HPGDS: variants seen among roughly 807,000 people sequenced by gnomAD.
HPGDS encodes the protein hematopoietic prostaglandin D synthase, also known as GST class-sigma.
A neutral mutation model predicts 23.1 loss-of-function variants in HPGDS; 26 were observed. The ratio of observed to expected loss-of-function variants is 1.13; its 90% CI spans 0.83 to 1.56. HPGDS has a LOEUF of 1.56. HPGDS is among the 40% of genes most tolerant of loss of function. The pLI is 0.00. For missense variants in HPGDS, 268 were observed against 236.4 expected, an observed-to-expected ratio of 1.13 and a Z score of -0.88; for synonymous variants, 95 against 77.9, an observed-to-expected ratio of 1.22 and a Z score of -1.16.
chr4:94,340,305 CTTTCTCTT>C (rs1721120523), intron 1 of HPGDS, among the ~76,000 whole-genome samples: 1 of 26,200 alleles, frequency 3.8e-5, no homozygotes, highest in African/African-American at 1.5e-4. Context: ...TTCTTTCTTT[CTTTCTCTT>C]TTTTTTTTTT....
intron 2 of HPGDS, among the ~76,000 whole-genome samples, chr4:94,324,992 TA>T (rs1446546210): frequency 4.6e-5 from 7 of 152,360 alleles, no homozygotes; most frequent in Admixed American, 4.6e-4. Context: ...TTCTGTTTGT[TA>T]GTTTTCCTTC....
intron 2 of HPGDS, among the ~76,000 whole-genome samples, chr4:94,321,852 G>A (rs1756516074): frequency 6.6e-6 from 1 of 152,200 alleles, no homozygotes; most frequent in African/African-American, 2.4e-5. Flanking sequence ...AGTTTTCAAA[G>A]GGAATGCTTC....
chr4:94,324,757 A>T (rs940132464), intron 2 of HPGDS, among the ~76,000 whole-genome samples: 2 of 152,144 alleles, frequency 1.3e-5, no homozygotes, highest in African/African-American at 2.4e-5. Context: ...AAGCCTACTT[A>T]TGTCAACTCG....
At chr4:94,333,888 C>T (rs953686788) in intron 2 of HPGDS, among the ~76,000 whole-genome samples, 6 of 152,052 alleles carry the variant, frequency 3.9e-5, no homozygotes, top group African/African-American at 9.7e-5. Context: ...ATTCCAATAT[C>T]GGAAGAAACA....
intron 4 of HPGDS, among the ~76,000 whole-genome samples, chr4:94,307,832 C>G (rs1046727298): frequency 4.6e-5 from 7 of 151,950 alleles, no homozygotes; most frequent in African/African-American, 1.7e-4. Flanking sequence ...AATATAAAAG[C>G]ATACTACAGT....
intron 3 of HPGDS, among the ~76,000 whole-genome samples, chr4:94,311,800 T>C (rs1756278721): frequency 6.6e-6 from 1 of 151,346 alleles, no homozygotes; most frequent in Admixed American, 6.6e-5. Flanking sequence ...CTATAAATTA[T>C]TGCCTCAATT....
chr4:94,306,764 A>G (rs1280420533), intron 4 of HPGDS, among the ~76,000 whole-genome samples: 1 of 152,122 alleles, frequency 6.6e-6, no homozygotes, highest in Non-Finnish European at 1.5e-5. Flanking sequence ...TGCTTTCTAA[A>G]AGTAATGCAG....
chr4:94,334,157 G>A (rs969949497), intron 2 of HPGDS: 8 of 172,042 alleles, frequency 4.7e-5, no homozygotes, highest in African/African-American at 1.7e-4. Flanking sequence ...TGCTAGGGTC[G>A]TGAAACTGGA....
intron 4 of HPGDS, among the ~76,000 whole-genome samples, chr4:94,304,320 G>A (rs1756101636): frequency 2.0e-5 from 3 of 152,100 alleles, no homozygotes; most frequent in South Asian, 4.1e-4. Context: ...TGAGGAAATG[G>A]AAACACAGAT....
At chr4:94,304,901 A>G (rs748063241) in intron 4 of HPGDS, among the ~76,000 whole-genome samples, 4 of 152,094 alleles carry the variant, frequency 2.6e-5, no homozygotes, top group Non-Finnish European at 5.9e-5. Context: ...AGAAAATAGA[A>G]AAGTAGAGAA....
intron 1 of HPGDS, among the ~76,000 whole-genome samples, chr4:94,340,311 C>CTCTCTTTTTTTTTTTTT (rs1721125015): frequency 4.2e-5 from 1 of 23,680 alleles, no homozygotes; most frequent in Non-Finnish European, 8.7e-5. Flanking sequence ...CTTTCTTTCT[C>CTCTCTTTTTTTTTTTTT]TTTTTTTTTT....
rs139997451 is a variant in HPGDS at position 94,306,788 on chromosome 4, C to T, written c.336+1846G>A. ...AAAGTAATGCAGAAAAGCCAAGAGA[C>T]GGGAAATAGGAAAAGAGCCAACCAA... On this transcript the variant is annotated intron_variant, in intron 4 of 5. Transcript: ENST00000295256. Among the ~76,000 whole-genome samples, 1,144 of 151,702 alleles carry T rather than the reference C, an allele frequency of 7.5e-3. 7 individuals carry two copies. The highest frequency in any genetic ancestry group is 0.026 in the African/African-American group (1,067 of 41,342).
chr4:94,322,617 A>T (rs10452168), intron 2 of HPGDS, among the ~76,000 whole-genome samples: 93,737 of 151,850 alleles, frequency 0.62, 29,503 homozygotes, highest in African/African-American at 0.69. Context: ...TATCCCCTTT[A>T]TCATTTTTCA....
intron 1 of HPGDS, among the ~76,000 whole-genome samples, chr4:94,336,644 C>A (rs753787958): frequency 2.0e-4 from 30 of 152,086 alleles, no homozygotes; most frequent in Non-Finnish European, 2.4e-4. Flanking sequence ...CCATAAATTT[C>A]TTTCAGGGAG....
intron 2 of HPGDS, among the ~76,000 whole-genome samples, chr4:94,331,579 G>A (rs1392921417): frequency 1.3e-5 from 2 of 152,180 alleles, no homozygotes; most frequent in Non-Finnish European, 2.9e-5. Context: ...AACTTGAGCT[G>A]ATCAGCTTCC....
chr4:94,337,624 A>G (rs1428903663), intron 1 of HPGDS, among the ~76,000 whole-genome samples: 3 of 152,128 alleles, frequency 2.0e-5, no homozygotes, highest in Admixed American at 1.3e-4. Flanking sequence ...GCAGTGAGCC[A>G]AGATCCTGCC....
intron 3 of HPGDS, among the ~76,000 whole-genome samples, chr4:94,310,141 C>A (rs1435233849): frequency 2.0e-5 from 3 of 152,116 alleles, no homozygotes; most frequent in African/African-American, 4.8e-5. Flanking sequence ...TTAATTAGAT[C>A]CCATTTGTCA....
At chr4:94,320,290 C>T (rs1026212019) in intron 2 of HPGDS, among the ~76,000 whole-genome samples, 1 of 152,160 alleles carries the variant, frequency 6.6e-6, no homozygotes, top group Non-Finnish European at 1.5e-5. Context: ...AATGGGATCA[C>T]TGGGTCAAAT....
intron 1 of HPGDS, among the ~76,000 whole-genome samples, chr4:94,340,313 T>TTCTTTCTTTTTCTTTTC (rs1721129735): frequency 1.1e-4 from 2 of 17,610 alleles, no homozygotes; most frequent in Non-Finnish European, 2.1e-4. Flanking sequence ...TTCTTTCTCT[T>TTCTTTCTTTTTCTTTTC]TTTTTTTTTT....
Sources: allele counts gnomAD v4.1 joint callset (sites outside exome capture counted in the v4.1 genomes callset), GRCh38; gene constraint gnomAD v4.1.1; transcripts MANE v1.5; gene names NCBI Gene and HGNC (gene_info 2026-07-23, HGNC 2026-07-21).